The following CPEB3 variants were observed in gnomAD, a reference collection of about 807,000 sequenced individuals.
CPEB3 encodes the protein cytoplasmic polyadenylation element binding protein 3.
In CPEB3, 20 loss-of-function variants were observed where a neutral mutation model predicts 67.2. The observed-to-expected ratio is 0.30, with a 90% CI of 0.21 to 0.43. The LOEUF (loss-of-function observed/expected upper bound fraction) is 0.43. CPEB3 is among the 20% of genes least tolerant of loss of function. The pLI, the probability that CPEB3 is intolerant of heterozygous loss-of-function variation, is 1.00. For missense variants in CPEB3, 746 were observed against 968.6 expected (o/e 0.77, Z 3.05); for synonymous variants, 376 against 393.1 (o/e 0.96, Z 0.51).
chr10:92,144,839 C>T, intron 5 of CPEB3, 106 bp downstream of exon 5: 1 of 925,116 alleles, frequency 1.1e-6, no homozygotes, highest in Non-Finnish European at 1.7e-6. Flanking sequence ...ACCTCCTATG[C>T]ACTAAGATAT....
intron 7 of CPEB3, among the ~76,000 whole-genome samples, chr10:92,100,430 C>T (rs1458491895): frequency 6.6e-6 from 1 of 152,110 alleles, no homozygotes; most frequent in Non-Finnish European, 1.5e-5. Context: ...TGCGCCACCA[C>T]GCCCCACTAA....
rs556208838 is a variant in CPEB3 at position 92,153,564 on chromosome 10, TG to T, written c.1223-8480del. 1.7e-4 allele frequency among the ~76,000 whole-genome samples: 26 copies of T among 152,254 alleles called. No homozygotes were observed. The South Asian group carries it at 3.7e-3, about 22-fold the overall frequency. On this transcript the variant is annotated intron_variant, in intron 4 of 9. Coordinates refer to ENST00000265997, the MANE Select transcript of CPEB3 (RefSeq NM_014912.5). ...ACTTTGGGAGGCCGAGGCGATCCCC[TG>T]GGGTCAGGAGTTCGAGACCAGCCTG...
chr10:92,278,884 C>A (rs1160750299), intron 1 of CPEB3, among the ~76,000 whole-genome samples: 1 of 152,038 alleles, frequency 6.6e-6, no homozygotes, highest in African/African-American at 2.4e-5. Context: ...CAGGCATGAG[C>A]CACCACGCCC....
chr10:92,221,454 G>C (rs941702925), intron 2 of CPEB3, among the ~76,000 whole-genome samples: 26 of 152,256 alleles, frequency 1.7e-4, no homozygotes, highest in African/African-American at 6.3e-4. Context: ...GATCACGCCA[G>C]TGCACTCCAG....
At chr10:92,081,275 C>G in intron 9 of CPEB3, 45 bp downstream of exon 9, 1 of 1,608,756 alleles carries the variant, frequency 6.2e-7, no homozygotes. Context: ...ACAGAACAAA[C>G]TTCTTTTCTC....
intron 9 of CPEB3, among the ~76,000 whole-genome samples, chr10:92,075,963 C>T (rs952013788): frequency 1.3e-5 from 2 of 152,190 alleles, no homozygotes; most frequent in African/African-American, 4.8e-5. Context: ...AAGAAAGTTG[C>T]AACCTGAGGG....
chr10:92,156,241 T>TA (rs1847202941), intron 4 of CPEB3, among the ~76,000 whole-genome samples: 1 of 152,132 alleles, frequency 6.6e-6, no homozygotes, highest in Non-Finnish European at 1.5e-5. Context: ...GGATAGTTCT[T>TA]AGATACATAG....
intron 2 of CPEB3, among the ~76,000 whole-genome samples, chr10:92,209,105 G>A (rs1487291347): frequency 6.6e-6 from 1 of 152,172 alleles, no homozygotes; most frequent in Non-Finnish European, 1.5e-5. Context: ...AAGAAAGAGT[G>A]AAACAGCCCT....
At chr10:92,134,355 CG>C (rs1179243550) in intron 6 of CPEB3, among the ~76,000 whole-genome samples, 1 of 151,928 alleles carries the variant, frequency 6.6e-6, no homozygotes, top group African/African-American at 2.4e-5. Flanking sequence ...AAATCACAAG[CG>C]TTCCTATATA....
At chr10:92,268,478 T>A (rs1853160531) in intron 1 of CPEB3, among the ~76,000 whole-genome samples, 1 of 152,060 alleles carries the variant, frequency 6.6e-6, no homozygotes, top group African/African-American at 2.4e-5. Context: ...ATAAATAAAA[T>A]AAAATGTTTC....
intron 7 of CPEB3, among the ~76,000 whole-genome samples, chr10:92,093,923 C>T (rs559117306): frequency 3.2e-4 from 49 of 152,198 alleles, no homozygotes; most frequent in African/African-American, 1.1e-3. Context: ...GGCATGATCT[C>T]GGCTCACTGC....
At chr10:92,138,733 T>C (rs1304291069) in intron 6 of CPEB3, among the ~76,000 whole-genome samples, 1 of 152,128 alleles carries the variant, frequency 6.6e-6, no homozygotes, top group East Asian at 1.9e-4. Flanking sequence ...AAGGGAACAC[T>C]TGTACGCTGT....
chr10:92,113,505 C>T (rs1225302450), intron 6 of CPEB3, among the ~76,000 whole-genome samples: 3 of 152,172 alleles, frequency 2.0e-5, no homozygotes, highest in Non-Finnish European at 4.4e-5. Flanking sequence ...CAGATATCCA[C>T]AAAGATCATA....
At chr10:92,261,825 TA>T (rs1564916520) in intron 1 of CPEB3, among the ~76,000 whole-genome samples, 1 of 152,176 alleles carries the variant, frequency 6.6e-6, no homozygotes, top group East Asian at 1.9e-4. Flanking sequence ...ATCCCCACCT[TA>T]AAGATGTGAA....
intron 2 of CPEB3, among the ~76,000 whole-genome samples, chr10:92,194,092 G>A (rs1017432820): frequency 1.0e-4 from 15 of 147,272 alleles, no homozygotes; most frequent in African/African-American, 2.5e-4. Context: ...CACCGCGCCC[G>A]GCCTACCTTT....
At chr10:92,061,238 G>C (rs886849170) in intron 9 of CPEB3, among the ~76,000 whole-genome samples, 4 of 152,124 alleles carry the variant, frequency 2.6e-5, no homozygotes, top group African/African-American at 9.6e-5. Context: ...AGACAACATG[G>C]TAAAACCCTG....
At chr10:92,065,305 C>T (rs1222426262) in intron 9 of CPEB3, among the ~76,000 whole-genome samples, 1 of 152,194 alleles carries the variant, frequency 6.6e-6, no homozygotes, top group East Asian at 1.9e-4. Flanking sequence ...ACTGCAACCT[C>T]CATCTCCTGG....
chr10:92,239,817 T>TGGCTGTGCC lies in CPEB3; in HGVS notation c.525_533dup (p.Ala179_Pro181dup). The TGGCTGTGCC allele has an allele frequency of 6.9e-7, 1 of 1,446,554 alleles. No homozygotes were observed. The highest frequency in any genetic ancestry group is 9.1e-7 in the Non-Finnish European group (1 of 1,102,254). 89.6% of individuals were successfully genotyped at this position (1,446,554 alleles called of 1,614,324 possible). On this transcript the variant is annotated inframe_insertion, in exon 2 of 10. Transcript: ENST00000265997. This position sits in a 1 kb window ranked among gnomAD's most constrained non-coding sequence, Gnocchi z 6.0. ...GGGGCTGCGCCTGTGGTGGCTGCGC[T>TGGCTGTGCC]GGCTGTGCCGGCTGCGGCGCGGGCG...
chr10:92,091,712 C>T (rs755450612), intron 8 of CPEB3, 118 bp downstream of exon 8: 2 of 585,332 alleles, frequency 3.4e-6, no homozygotes, highest in Non-Finnish European at 6.0e-6. Flanking sequence ...ATGATGACAG[C>T]CTTCTTTTTG....
Sources: allele counts gnomAD v4.1 joint callset (sites outside exome capture counted in the v4.1 genomes callset), GRCh38; gene constraint gnomAD v4.1.1; non-coding constraint Gnocchi (gnomAD v3.1); transcripts MANE v1.5; gene names NCBI Gene and HGNC (gene_info 2026-07-23, HGNC 2026-07-21).